Variants in ACSF2 observed in about 807,000 individuals in gnomAD.
The protein encoded by ACSF2 is medium-chain acyl-CoA ligase ACSF2, mitochondrial.
A neutral mutation model predicts 79.3 loss-of-function variants in ACSF2; 52 were observed. That is an observed-to-expected ratio of 0.66 (90% CI 0.53 to 0.83). The LOEUF is 0.83. Ranked by LOEUF, ACSF2 falls within the 40% of genes least tolerant of loss-of-function variation. ACSF2 has a pLI of 0.00. For missense variants in ACSF2, 661 were observed against 803.3 expected (o/e 0.82, Z 2.14); for synonymous variants, 283 against 312.6 (o/e 0.91, Z 1.00).
At position 50,472,505 on chromosome 17, in the gene ACSF2, C is replaced by T. The variant is rs1378102894; in HGVS notation, c.1401C>T (p.Cys467=). ...TPGELCIRGY[C]VMLGYWGEPQ... Reference sequence around the variant, plus strand: ...GGGAGCTGTGCATCCGAGGGTACTGCGTCATGCTGGGCTACTGGGGTGAGC... The same window carrying T: ...GGGAGCTGTGCATCCGAGGGTACTGTGTCATGCTGGGCTACTGGGGTGAGC... Residue 467 remains cysteine, a synonymous_variant, in exon 12 of 16, where the codon TGC becomes TGT. Coordinates refer to ENST00000300441, the MANE Select transcript of ACSF2 (RefSeq NM_025149.6). 5.0e-6 allele frequency: 8 copies of T among 1,612,900 alleles called. No homozygotes were observed. Among genetic ancestry groups the T allele is most frequent in the Admixed American group, 1.7e-5 (1 of 59,886 alleles).
chr17:50,429,024 C>T (rs1022055435), intron 1 of ACSF2, among the ~76,000 whole-genome samples: 2 of 152,354 alleles, frequency 1.3e-5, no homozygotes, highest in Middle Eastern at 3.4e-3. Context: ...CTGTTTTCTC[C>T]GATCTGCTCA....
At chr17:50,433,787 T>A (rs977460922) in intron 1 of ACSF2, among the ~76,000 whole-genome samples, 2 of 152,000 alleles carry the variant, frequency 1.3e-5, no homozygotes, top group East Asian at 3.9e-4. Context: ...CCTTGCTAAA[T>A]TTTTTGTATT....
chr17:50,465,475 A>C, intron 10 of ACSF2: 1 of 1,611,498 alleles, frequency 6.2e-7, no homozygotes, highest in Non-Finnish European at 8.5e-7. Flanking sequence ...CTGGGGAAGA[A>C]GGTGGGAGTG....
At chr17:50,449,121 A>G (rs1006997962) in intron 1 of ACSF2, among the ~76,000 whole-genome samples, 12 of 149,342 alleles carry the variant, frequency 8.0e-5, no homozygotes, top group African/African-American at 3.0e-4. Flanking sequence ...GGTTCAAGCA[A>G]TTCTCCTGCT....
At chr17:50,439,669 C>A (rs1329711031) in intron 1 of ACSF2, among the ~76,000 whole-genome samples, 1 of 152,164 alleles carries the variant, frequency 6.6e-6, no homozygotes, top group Non-Finnish European at 1.5e-5. Context: ...AAATATTTAG[C>A]ATTGCTGGAC....
chr17:50,455,030 G>GA lies in ACSF2; in HGVS notation c.129-5646dup, dbSNP rs560481399. Among the ~76,000 whole-genome samples the GA allele has an allele frequency of 4.9e-4, 75 of 152,334 alleles. 1 individual carries two copies. The East Asian group carries it at 6.6e-3, about 13-fold the overall frequency. On this transcript the variant is annotated intron_variant, in intron 1 of 15. Transcript: ENST00000300441. The stretch of plus-strand genomic sequence containing the variant: ...AGGCTGAACACCTGCCGTCCGGCTG[G>GA]AGTGTGCAGTGGCACCATCTTGGCT...
rs754285481 is a variant in ACSF2 at position 50,463,961 on chromosome 17, C to T, written c.1138+52C>T. 6.4e-7 allele frequency: 1 copy of T among 1,551,140 alleles called. No homozygotes were observed. Among genetic ancestry groups the T allele is most frequent in the Non-Finnish European group, 8.8e-7 (1 of 1,130,444 alleles). ...CTTGGGGAGGGGGCTGCTTCCCCCA[C>T]AGGAATGGCCCGGGTGAGTTAGCTA... On this transcript the variant is annotated intron_variant, in intron 9 of 15. Transcript: ENST00000300441. This position sits in a 1 kb window ranked among gnomAD's most constrained non-coding sequence, Gnocchi z 4.6.
At chr17:50,435,262 G>A (rs59840032) in intron 1 of ACSF2, among the ~76,000 whole-genome samples, 3,624 of 152,264 alleles carry the variant, frequency 0.024, 149 homozygotes, top group African/African-American at 0.082. Flanking sequence ...TGAGTTTTAC[G>A]TATTAAACAG....
intron 11 of ACSF2, 57 bp from the exon 12 acceptor site, chr17:50,472,371 C>A: frequency 6.3e-7 from 1 of 1,577,732 alleles, no homozygotes; most frequent in South Asian, 1.2e-5. Context: ...TTTCCAAGGA[C>A]CACCTATCCT....
Position 50,465,552 on chromosome 17 carries a change from A to G in ACSF2, c.1215+1258A>G, listed in dbSNP as rs1048448034. 2.7e-6 allele frequency: 4 copies of G among 1,482,168 alleles called. No individual in the cohort carries two copies. In the African/African-American group the frequency reaches 5.6e-5, roughly 21 times the overall value. The allele number at this position is 1,482,168 out of a possible 1,614,324, so 91.8% of individuals were successfully genotyped here. ...GGCCACAGGATAGTCTGAAGCTGTC[A>G]TCTTCATTTTACAAATGGGGAAACT... On this transcript the variant is annotated intron_variant, in intron 10 of 15. Transcript: ENST00000300441.
chr17:50,441,534 C>T lies in ACSF2; in HGVS notation c.128+15145C>T, dbSNP rs373936807. On this transcript the variant is annotated intron_variant, in intron 1 of 15. Transcript: ENST00000300441. ...GATTCATGTTGTATTGTATTGGGGTCTTGGAAGCCAGGCAGTCCTGGGTTT... is the reference window on the plus strand; with the variant it reads ...GATTCATGTTGTATTGTATTGGGGTTTTGGAAGCCAGGCAGTCCTGGGTTT... Among the ~76,000 whole-genome samples the T allele has an allele frequency of 6.0e-4, 92 of 152,266 alleles. No homozygotes were observed. In the East Asian group the frequency reaches 0.01, roughly 17 times the overall value.
intron 1 of ACSF2, among the ~76,000 whole-genome samples, chr17:50,449,490 T>C (rs992401598): frequency 1.3e-4 from 19 of 151,084 alleles, no homozygotes; most frequent in African/African-American, 4.6e-4. Flanking sequence ...CTGCAAGCTC[T>C]GCCTCCAGGG....
In ACSF2 at chr17:50,448,054, G is replaced by A. The variant is rs184229716; in HGVS notation, c.129-12623G>A. On this transcript the variant is annotated intron_variant, in intron 1 of 15. Transcript: ENST00000300441. ...GTACAGTCTGGCGTTGCTTAACAACGGGAACACATTCTGAGAAATACATCA... is the reference window on the plus strand; with the variant it reads ...GTACAGTCTGGCGTTGCTTAACAACAGGAACACATTCTGAGAAATACATCA... Among the ~76,000 whole-genome samples, 411 of 152,296 alleles carry A rather than the reference G, an allele frequency of 2.7e-3. 2 individuals carry two copies. Among genetic ancestry groups the A allele is most frequent in the Non-Finnish European group, 4.7e-3 (323 of 68,034 alleles).
chr17:50,460,907 G>T, intron 2 of ACSF2, 35 bp downstream of exon 2: 1 of 1,582,640 alleles, frequency 6.3e-7, no homozygotes, highest in Non-Finnish European at 8.6e-7. Flanking sequence ...AAGTGGGCAA[G>T]TACTAGCTCC....
intron 10 of ACSF2, chr17:50,469,032 G>A (rs2143785071): frequency 2.3e-6 from 3 of 1,326,984 alleles, no homozygotes; most frequent in South Asian, 4.1e-5. Context: ...GGGCGGGGCC[G>A]TTCCCCCAGC....
intron 1 of ACSF2, among the ~76,000 whole-genome samples, chr17:50,427,682 G>A (rs1915125652): frequency 6.6e-6 from 1 of 152,188 alleles, no homozygotes; most frequent in Non-Finnish European, 1.5e-5. Context: ...CACAGGGGAA[G>A]TCTCTCAGCC....
rs762883572 is a variant in ACSF2 at position 50,463,814 on chromosome 17, A to T, written c.1047-4A>T. The T allele has an allele frequency of 6.2e-7, 1 of 1,613,820 alleles. No individual in the cohort carries two copies. The highest frequency in any genetic ancestry group is 2.2e-5 in the East Asian group (1 of 44,864). On this transcript the variant is annotated splice_region_variant and splice_polypyrimidine_tract_variant and intron_variant, in intron 8 of 15. Coordinates refer to ENST00000300441, the MANE Select transcript of ACSF2 (RefSeq NM_025149.6). The surrounding 1 kb of genome is among the most constrained non-coding windows in gnomAD (Gnocchi z 4.6). ...GCCTAATTTCGAGACCTCCTCCTAT[A>T]CAGAGGCACCTTCCTGTATGGTACC...
At chr17:50,467,791 G>T (rs1474354158) in intron 10 of ACSF2, 6 of 452,364 alleles carry the variant, frequency 1.3e-5, no homozygotes, top group African/African-American at 4.0e-5. Context: ...CTTTTGTGGG[G>T]CCAGGGCAGT....
At chr17:50,459,331 C>T (rs1027629000) in intron 1 of ACSF2, among the ~76,000 whole-genome samples, 1 of 152,242 alleles carries the variant, frequency 6.6e-6, no homozygotes, top group Non-Finnish European at 1.5e-5. Flanking sequence ...ACCTCTGCCT[C>T]CCAGGCTCGA....
Sources: gnomAD v4.1 joint callset for allele counts (sites outside exome capture counted in the v4.1 genomes callset) on GRCh38, gnomAD v4.1.1 for gene constraint, Gnocchi (gnomAD v3.1) non-coding constraint, MANE v1.5 for transcripts, NCBI Gene and HGNC (gene_info 2026-07-23, HGNC 2026-07-21) for gene names.